Variants in BAZ2B observed in about 807,000 individuals in gnomAD.
BAZ2B encodes the protein bromodomain adjacent to zinc finger domain protein 2B.
BAZ2B carries 91 observed loss-of-function variants against 246.0 expected under a neutral mutation model. The observed-to-expected ratio is 0.37, with a 90% CI of 0.31 to 0.44. The LOEUF is 0.44. Ranked by LOEUF, BAZ2B falls within the 20% of genes least tolerant of loss-of-function variation. The pLI is 1.00. For synonymous variants in BAZ2B, 855 were observed against 860.0 expected (o/e 0.99, Z 0.10); for missense variants, 2,332 against 2,533.7 (o/e 0.92, Z 1.71).
Position 159,323,624 on chromosome 2 carries a change from G to A in BAZ2B, c.6353+1187C>T, listed in dbSNP as rs1250057005. On this transcript the variant is annotated intron_variant, in intron 36 of 36. Transcript: ENST00000392783. ...TCGAGACCAGCCTGGCTAACATGGT[G>A]AAACCCTGTTTATACTAAAAATACA... is the stretch of plus-strand genomic sequence containing the variant. Among the ~76,000 whole-genome samples the A allele has an allele frequency of 2.0e-5, 3 of 152,052 alleles. No individual in the cohort carries two copies. In the East Asian group the frequency reaches 5.9e-4, roughly 30 times the overall value.
At chr2:159,635,863 C>T in the BAZ2B span, among the ~76,000 whole-genome samples, 1 of 151,876 alleles carries the variant, frequency 6.6e-6, no homozygotes, top group African/African-American at 2.4e-5. Flanking sequence ...ACAAAAAGTC[C>T]CTGGGCAACA....
intron 31 of BAZ2B, among the ~76,000 whole-genome samples, chr2:159,343,838 A>G (rs2067212501): frequency 1.3e-5 from 2 of 151,908 alleles, no homozygotes; most frequent in Non-Finnish European, 2.9e-5. Context: ...CATCCTGGCT[A>G]ACATGATGAA....
intron 20 of BAZ2B, among the ~76,000 whole-genome samples, chr2:159,390,843 C>A (rs1228108273): frequency 6.6e-6 from 1 of 152,126 alleles, no homozygotes; most frequent in African/African-American, 2.4e-5. Flanking sequence ...GTTACTGATT[C>A]ATGCAGACAT....
chr2:159,661,956 C>G, the BAZ2B span, among the ~76,000 whole-genome samples: 1 of 152,210 alleles, frequency 6.6e-6, no homozygotes, highest in East Asian at 1.9e-4. Flanking sequence ...TCCCTGACCA[C>G]CCCCCACCCA....
At chr2:159,587,743 A>G (rs1279879263) in intron 1 of BAZ2B, among the ~76,000 whole-genome samples, 1 of 152,194 alleles carries the variant, frequency 6.6e-6, no homozygotes, top group African/African-American at 2.4e-5. Context: ...AATTATTTAC[A>G]TGACTGTTTT....
chr2:159,465,082 T>G (rs1194544053), intron 3 of BAZ2B, among the ~76,000 whole-genome samples: 2 of 152,198 alleles, frequency 1.3e-5, no homozygotes, highest in East Asian at 3.8e-4. Context: ...CAGAAATTTA[T>G]TGTCTCATAG....
the BAZ2B span, among the ~76,000 whole-genome samples, chr2:159,685,154 A>G: frequency 2.4e-4 from 37 of 152,246 alleles, no homozygotes; most frequent in Admixed American, 2.4e-3. Flanking sequence ...TTTCATAAGA[A>G]GAACAAAACA....
chr2:159,482,616 T>C (rs181695509), intron 2 of BAZ2B, among the ~76,000 whole-genome samples: 1 of 152,322 alleles, frequency 6.6e-6, no homozygotes, highest in East Asian at 1.9e-4. Context: ...ATTATATTTT[T>C]AGCCAGATAG....
At chr2:159,322,251 T>C (rs954312299) in intron 36 of BAZ2B, among the ~76,000 whole-genome samples, 1 of 152,190 alleles carries the variant, frequency 6.6e-6, no homozygotes, top group African/African-American at 2.4e-5. Context: ...TAGGAATTAC[T>C]TGCTTATTTT....
chr2:159,628,566 G>A, the BAZ2B span, among the ~76,000 whole-genome samples: 130 of 152,248 alleles, frequency 8.5e-4, 2 homozygotes, highest in Middle Eastern at 0.01. Context: ...AGAAGCAATG[G>A]GGAAAGGATT....
intron 2 of BAZ2B, among the ~76,000 whole-genome samples, chr2:159,485,148 A>G (rs2079676706): frequency 6.6e-6 from 1 of 152,210 alleles, no homozygotes; most frequent in Non-Finnish European, 1.5e-5. Flanking sequence ...AAAAATTCTG[A>G]GAAAGGTTTA....
intron 2 of BAZ2B, among the ~76,000 whole-genome samples, chr2:159,531,425 A>G (rs1412721139): frequency 6.6e-6 from 1 of 152,208 alleles, no homozygotes; most frequent in Non-Finnish European, 1.5e-5. Context: ...ACATTCTCTT[A>G]AAAGCTTATT....
rs77508175 is a variant in BAZ2B, at chr2:159,578,557, G to C, written c.-45-22692C>G. On this transcript the variant is annotated intron_variant, in intron 1 of 36. Coordinates refer to ENST00000392783, the MANE Select transcript of BAZ2B (RefSeq NM_013450.4). ...CAAGGATATCCAGGAATTGAACTCA[G>C]CTCTGCACCAAGCAGACCTAATAGA... is the stretch of plus-strand genomic sequence containing the variant. Among the ~76,000 whole-genome samples the C allele has an allele frequency of 0.011, 1,747 of 152,216 alleles. 162 individuals are homozygous for C. In the East Asian group the frequency reaches 0.23, roughly 20 times the overall value.
intron 2 of BAZ2B, among the ~76,000 whole-genome samples, chr2:159,518,387 A>G (rs550431481): frequency 8.5e-5 from 13 of 152,312 alleles, no homozygotes; most frequent in Non-Finnish European, 4.4e-5. Flanking sequence ...TTTCAGCCCT[A>G]CTTATCCTCT....
intron 25 of BAZ2B, among the ~76,000 whole-genome samples, chr2:159,378,212 G>T (rs1358484276): frequency 6.6e-6 from 1 of 152,170 alleles, no homozygotes; most frequent in Non-Finnish European, 1.5e-5. Flanking sequence ...GTTATCTTTT[G>T]TTTGGGTAAT....
At chr2:159,675,510 T>C in the BAZ2B span, among the ~76,000 whole-genome samples, 12 of 152,298 alleles carry the variant, frequency 7.9e-5, no homozygotes, top group Admixed American at 6.5e-5. Context: ...TCTCCAGTTA[T>C]AGAATTGTGA....
rs1247836243 is a variant in BAZ2B, at chr2:159,448,140, C to T, written c.502+102G>A. On this transcript the variant is annotated intron_variant, in intron 5 of 36. Coordinates refer to ENST00000392783, the MANE Select transcript of BAZ2B (RefSeq NM_013450.4). ...CCTTGTCTCTATTAAAACAAACAAA[C>T]AAACAAAAACAAAAAACAAAAAAAG... The T allele has an allele frequency of 3.7e-6, 5 of 1,346,996 alleles. No individual in the cohort carries two copies. The African/African-American group carries it at 6.0e-5, about 16-fold the overall frequency. 83.4% of individuals were successfully genotyped at this position (1,346,996 alleles called of 1,614,324 possible). A position where few individuals can be genotyped will look rare whatever the true frequency, so the allele number is the denominator to read the frequency against.
At chr2:159,667,277 A>C in the BAZ2B span, among the ~76,000 whole-genome samples, 1 of 151,830 alleles carries the variant, frequency 6.6e-6, no homozygotes, top group Non-Finnish European at 1.5e-5. Flanking sequence ...CCATTTTGGC[A>C]GTCAATTATA....
chr2:159,503,924 T>C (rs1559636997), intron 2 of BAZ2B, among the ~76,000 whole-genome samples: 1 of 152,158 alleles, frequency 6.6e-6, no homozygotes, highest in Non-Finnish European at 1.5e-5. Context: ...TCTTCAAAAG[T>C]TCCCACAAAG....
Sources: gnomAD v4.1 joint callset for allele counts (sites outside exome capture counted in the v4.1 genomes callset) on GRCh38, gnomAD v4.1.1 for gene constraint, MANE v1.5 for transcripts, NCBI Gene and HGNC (gene_info 2026-07-23, HGNC 2026-07-21) for gene names.